OLFML1: variants seen among roughly 807,000 people sequenced by gnomAD.
OLFML1 encodes olfactomedin-like protein 1.
A neutral mutation model predicts 37.3 loss-of-function variants in OLFML1; 33 were observed. The ratio of observed to expected loss-of-function variants is 0.88; its 90% CI spans 0.67 to 1.18. OLFML1 has a LOEUF of 1.18. Ranked by LOEUF, OLFML1 falls within the 50% of genes most tolerant of loss-of-function variation. The pLI is 0.00. For missense variants in OLFML1, 545 were observed against 483.7 expected, an observed-to-expected ratio of 1.13 and a Z score of -1.19; for synonymous variants, 186 against 181.3, an observed-to-expected ratio of 1.03 and a Z score of -0.21.
At chr11:7,492,641 T>A (rs1015786295) in intron 2 of OLFML1, among the ~76,000 whole-genome samples, 3 of 152,190 alleles carry the variant, frequency 2.0e-5, no homozygotes, top group East Asian at 3.9e-4. Context: ...TATTCAGAGA[T>A]TATCCCCAAA....
intron 2 of OLFML1, among the ~76,000 whole-genome samples, chr11:7,499,339 A>C (rs1396882673): frequency 6.6e-6 from 1 of 152,210 alleles, no homozygotes; most frequent in East Asian, 1.9e-4. Context: ...CTGGACCCAA[A>C]GGTTTTAAAT....
chr11:7,498,542 T>C (rs1211699609), intron 2 of OLFML1, among the ~76,000 whole-genome samples: 1 of 152,220 alleles, frequency 6.6e-6, no homozygotes, highest in Non-Finnish European at 1.5e-5. Context: ...TAGCATGATA[T>C]TTTATAACTG....
chr11:7,486,021 C>T lies in OLFML1; in HGVS notation c.129+17C>T, dbSNP rs200453743. On this transcript the variant is annotated intron_variant, in intron 1 of 2. Transcript: ENST00000329293. ...GTCTTGGAGGTAGGTGGCATCTGTA[C>T]ACCTTGGATAAGTAACAGGCTTCCC... The T allele has an allele frequency of 2.2e-3, 3,483 of 1,611,884 alleles. 28 individuals are homozygous for T. The highest frequency in any genetic ancestry group is 0.019 in the South Asian group (1,686 of 90,878).
intron 2 of OLFML1, among the ~76,000 whole-genome samples, chr11:7,507,791 C>T (rs61890177): frequency 6.6e-6 from 1 of 152,200 alleles, no homozygotes; most frequent in Admixed American, 6.5e-5. Context: ...TTGTGATACA[C>T]CTGCCTTGGC....
At chr11:7,496,266 G>A (rs1432116425) in intron 2 of OLFML1, among the ~76,000 whole-genome samples, 85 of 152,188 alleles carry the variant, frequency 5.6e-4, no homozygotes, top group Admixed American at 5.6e-3. Flanking sequence ...AACTTAGCCT[G>A]GTCACTTTAA....
intron 2 of OLFML1, among the ~76,000 whole-genome samples, chr11:7,491,572 T>C (rs1412284065): frequency 2.0e-5 from 3 of 152,250 alleles, no homozygotes; most frequent in Non-Finnish European, 2.9e-5. Flanking sequence ...CTTTGGAATG[T>C]CAATTTATTC....
At chr11:7,502,780 A>G (rs2134184369) in intron 2 of OLFML1, among the ~76,000 whole-genome samples, 1 of 152,106 alleles carries the variant, frequency 6.6e-6, no homozygotes, top group South Asian at 2.1e-4. Flanking sequence ...TAATTTTTGT[A>G]TTTTAAGTAG....
chr11:7,502,419 G>A (rs1320869098), intron 2 of OLFML1, among the ~76,000 whole-genome samples: 3 of 150,606 alleles, frequency 2.0e-5, no homozygotes, highest in Non-Finnish European at 4.4e-5. Context: ...CACTCATACC[G>A]CTTTATGGAG....
chr11:7,505,174 T>C lies in OLFML1; in HGVS notation c.419-4224T>C, dbSNP rs139546113. 6.8e-3 allele frequency among the ~76,000 whole-genome samples: 1,028 copies of C among 151,730 alleles called. 35 individuals carry two copies. Among genetic ancestry groups the C allele is most frequent in the Admixed American group, 0.055 (833 of 15,242 alleles). On this transcript the variant is annotated intron_variant, in intron 2 of 2. Coordinates refer to ENST00000329293, the MANE Select transcript of OLFML1 (RefSeq NM_198474.4). ...GTCTTGAACTCCTGAGATCAAGTGATTTGTCTGCCTTGGCCTTCCACAGTG... is the reference window on the plus strand; with the variant it reads ...GTCTTGAACTCCTGAGATCAAGTGACTTGTCTGCCTTGGCCTTCCACAGTG...
chr11:7,487,505 TTTCCA>T (rs1391124828), intron 1 of OLFML1, among the ~76,000 whole-genome samples: 1 of 152,248 alleles, frequency 6.6e-6, no homozygotes, highest in Non-Finnish European at 1.5e-5. Flanking sequence ...AGCAATCCCA[TTTCCA>T]TTCATTTATT....
chr11:7,509,687 A>G lies in OLFML1; in HGVS notation c.708A>G (p.Ile236Met), dbSNP rs1466082165. The change falls in exon 3 of 3, where the codon ATA becomes ATG. Residue 236 changes from isoleucine (I) to methionine (M), a missense_variant. Transcript: ENST00000329293. ...FFHNQATSNE[I>M]IKYNLQKRTV... ...ATAACCAAGCAACTTCTAATGAGATAATCAAATATAACCTGCAGAAGAGGA... is the reference window on the plus strand; with the variant it reads ...ATAACCAAGCAACTTCTAATGAGATGATCAAATATAACCTGCAGAAGAGGA... 1.2e-6 allele frequency: 2 copies of G among 1,614,256 alleles called. No homozygotes were observed. The highest frequency in any genetic ancestry group is 1.1e-5 in the South Asian group (1 of 91,088).
chr11:7,489,643 C>G (rs536021889), intron 2 of OLFML1, among the ~76,000 whole-genome samples: 1 of 152,106 alleles, frequency 6.6e-6, no homozygotes, highest in Admixed American at 6.6e-5. Flanking sequence ...ATTTGGGCAA[C>G]AAGTAATAGT....
chr11:7,506,922 T>C (rs1291807419), intron 2 of OLFML1, among the ~76,000 whole-genome samples: 2 of 152,096 alleles, frequency 1.3e-5, no homozygotes, highest in African/African-American at 2.4e-5. Context: ...GAGTGGGATA[T>C]TGGAGTTTTC....
In OLFML1 at chr11:7,492,595, C is replaced by CA. The variant is rs537018099; in HGVS notation, c.418+4181dup. On this transcript the variant is annotated intron_variant, in intron 2 of 2. Transcript: ENST00000329293. ...AGATAAAATTGTTCTATAACTAAGC[C>CA]ATTCCCTAGAGAGCTGCTCTTGTAT... Among the ~76,000 whole-genome samples, 57 of 152,256 alleles carry CA rather than the reference C, an allele frequency of 3.7e-4. No individual in the cohort carries two copies. In the South Asian group the frequency reaches 0.011, roughly 29 times the overall value.
chr11:7,509,967 G>T lies in OLFML1; in HGVS notation c.988G>T (p.Val330Phe). ...SFLLCGVLYV[V>F]YSTGGQGPHR... ...CCTCTTGTGTGGGGTTCTCTATGTG[G>T]TCTACAGTACTGGGGGCCAGGGCCC... The change falls in exon 3 of 3, where the codon GTC becomes TTC. Residue 330 changes from valine (V) to phenylalanine (F), a missense_variant. Transcript: ENST00000329293. The T allele has an allele frequency of 1.2e-6, 2 of 1,614,234 alleles. No homozygotes were observed. Among genetic ancestry groups the T allele is most frequent in the Non-Finnish European group, 1.7e-6 (2 of 1,180,040 alleles).
At chr11:7,500,805 C>T (rs1287763379) in intron 2 of OLFML1, among the ~76,000 whole-genome samples, 1 of 150,858 alleles carries the variant, frequency 6.6e-6, no homozygotes, top group Non-Finnish European at 1.5e-5. Context: ...AGGCCAAGGC[C>T]AGGAGGATTG....
intron 2 of OLFML1, 99 bp from the exon 3 acceptor site, chr11:7,509,299 C>G: frequency 1.2e-6 from 1 of 866,760 alleles, no homozygotes; most frequent in Admixed American, 2.3e-5. Context: ...CAGTATTAGA[C>G]CTGAAAGGAA....
intron 2 of OLFML1, among the ~76,000 whole-genome samples, chr11:7,496,772 G>A (rs999678487): frequency 6.6e-6 from 1 of 152,114 alleles, no homozygotes; most frequent in Non-Finnish European, 1.5e-5. Flanking sequence ...TGAGAAGTTC[G>A]TAATTATAAC....
At chr11:7,503,802 A>G (rs1416313151) in intron 2 of OLFML1, among the ~76,000 whole-genome samples, 2 of 152,236 alleles carry the variant, frequency 1.3e-5, no homozygotes, top group African/African-American at 4.8e-5. Context: ...AGTAAAGGAC[A>G]CGGGAAGGAT....
Sources: gnomAD v4.1 joint callset for allele counts (sites outside exome capture counted in the v4.1 genomes callset) on GRCh38, gnomAD v4.1.1 for gene constraint, MANE v1.5 for transcripts, NCBI Gene and HGNC (gene_info 2026-07-23, HGNC 2026-07-21) for gene names.